The following RXRA variants were observed in gnomAD, a reference collection of about 807,000 sequenced individuals.
RXRA encodes retinoid X receptor alpha.
A neutral mutation model predicts 44.5 loss-of-function variants in RXRA; 5 were observed. The observed-to-expected ratio is 0.11, with a 90% CI of 0.06 to 0.24. The LOEUF is 0.24. Ranked by LOEUF, RXRA falls within the 10% of genes least tolerant of loss-of-function variation. RXRA has a pLI of 1.00. For missense variants in RXRA, 412 were observed against 646.5 expected, an observed-to-expected ratio of 0.64 and a Z score of 3.93; for synonymous variants, 291 against 271.4, an observed-to-expected ratio of 1.07 and a Z score of -0.71.
At chr9:134,424,154 G>T in intron 6 of RXRA, 7 of 985,374 alleles carry the variant, frequency 7.1e-6, no homozygotes, top group Non-Finnish European at 8.4e-6. Context: ...GAGGTTAGAG[G>T]GTTTCTGTGG....
At position 134,366,207 on chromosome 9, in the gene RXRA, G is replaced by A. The variant is rs978837752; in HGVS notation, c.29-35425G>A. 5.3e-5 allele frequency among the ~76,000 whole-genome samples: 8 copies of A among 152,270 alleles called. No individual in the cohort carries two copies. The highest frequency in any genetic ancestry group is 1.0e-4 in the Non-Finnish European group (7 of 67,990). On this transcript the variant is annotated intron_variant, in intron 1 of 9. Coordinates refer to ENST00000481739, the MANE Select transcript of RXRA (RefSeq NM_002957.6). This position sits in a 1 kb window ranked among gnomAD's most constrained non-coding sequence, Gnocchi z 5.9. ...TGGTGGCTCCGTGTGGCATGTTCTG[G>A]GCTGTGTGTGGGGCCAGGGAGGGTG...
intron 4 of RXRA, among the ~76,000 whole-genome samples, chr9:134,410,283 C>A (rs1831126833): frequency 6.6e-6 from 1 of 152,204 alleles, no homozygotes; most frequent in African/African-American, 2.4e-5. Flanking sequence ...GCCAGTCAGG[C>A]CTTTCTGATG....
At chr9:134,353,837 G>A (rs903555749) in intron 1 of RXRA, among the ~76,000 whole-genome samples, 5 of 152,204 alleles carry the variant, frequency 3.3e-5, no homozygotes, top group Non-Finnish European at 7.3e-5. Context: ...GAATCTGGTG[G>A]GACTCCAGCA....
chr9:134,430,174 C>G (rs1448244166), intron 7 of RXRA, among the ~76,000 whole-genome samples: 1 of 152,258 alleles, frequency 6.6e-6, no homozygotes, highest in African/African-American at 2.4e-5. Flanking sequence ...GCGTGAGCCG[C>G]CGCGCCCGGC....
In RXRA at chr9:134,407,439, C is replaced by A; in HGVS notation, c.280-710C>A. On this transcript the variant is annotated intron_variant, in intron 2 of 9. Transcript: ENST00000481739. The surrounding 1 kb of genome is among the most constrained non-coding windows in gnomAD (Gnocchi z 4.8). ...TGACTGCAGAGCTGGGTGGAGGCAG[C>A]GGAACCAAAACTGCTGTGTCACTGC... is the stretch of plus-strand genomic sequence containing the variant. Among the ~76,000 whole-genome samples the A allele has an allele frequency of 6.6e-6, 1 of 152,328 alleles. No individual in the cohort carries two copies. Among genetic ancestry groups the A allele is most frequent in the South Asian group, 2.1e-4 (1 of 4,834 alleles).
intron 1 of RXRA, among the ~76,000 whole-genome samples, chr9:134,363,891 AT>A (rs1437330156): frequency 6.6e-6 from 1 of 152,110 alleles, no homozygotes; most frequent in East Asian, 1.9e-4. Context: ...CGGGTTTGGC[AT>A]TTTTTGGGGA....
At chr9:134,335,270 A>AT (rs1829983396) in intron 1 of RXRA, among the ~76,000 whole-genome samples, 1 of 152,102 alleles carries the variant, frequency 6.6e-6, no homozygotes, top group Non-Finnish European at 1.5e-5. Context: ...GGGCTAGCAA[A>AT]TTCACCTCAC....
chr9:134,389,622 G>T (rs1387814113), intron 1 of RXRA, among the ~76,000 whole-genome samples: 1 of 152,188 alleles, frequency 6.6e-6, no homozygotes, highest in African/African-American at 2.4e-5. Flanking sequence ...GTGACCAGTG[G>T]AGGGGACAGT....
chr9:134,435,335 C>T (rs571955449), intron 9 of RXRA, among the ~76,000 whole-genome samples: 5 of 152,304 alleles, frequency 3.3e-5, no homozygotes, highest in African/African-American at 1.2e-4. Flanking sequence ...GCAGCTGCTG[C>T]CCTCATGCCT....
At chr9:134,420,323 G>A (rs1564293839) in intron 5 of RXRA, among the ~76,000 whole-genome samples, 5 of 152,238 alleles carry the variant, frequency 3.3e-5, no homozygotes, top group Admixed American at 2.0e-4. Flanking sequence ...CCTGGGGGGC[G>A]CTGTGCACAG....
intron 1 of RXRA, among the ~76,000 whole-genome samples, chr9:134,381,810 C>T (rs992269321): frequency 1.3e-5 from 2 of 152,140 alleles, no homozygotes; most frequent in African/African-American, 4.8e-5. Context: ...GGGTGCCCAG[C>T]AGGGGCGCAC....
chr9:134,356,265 G>A (rs993567989), intron 1 of RXRA, among the ~76,000 whole-genome samples: 1 of 152,176 alleles, frequency 6.6e-6, no homozygotes, highest in Admixed American at 6.5e-5. Flanking sequence ...CTCCCTGGGG[G>A]AGTTCTGGGG....
intron 1 of RXRA, among the ~76,000 whole-genome samples, chr9:134,335,443 C>T (rs1452102007): frequency 6.6e-6 from 1 of 152,162 alleles, no homozygotes; most frequent in Non-Finnish European, 1.5e-5. Context: ...CCAGGGGGAT[C>T]TGGTTCTAGC....
intron 6 of RXRA, chr9:134,424,400 C>A: frequency 9.1e-6 from 9 of 985,394 alleles, no homozygotes; most frequent in Non-Finnish European, 1.1e-5. Context: ...CCCAGCCTGA[C>A]CTCCCCCTGG....
intron 7 of RXRA, among the ~76,000 whole-genome samples, chr9:134,430,519 T>C (rs922295883): frequency 2.0e-5 from 3 of 152,218 alleles, no homozygotes; most frequent in African/African-American, 7.2e-5. Flanking sequence ...CTCCATGGGA[T>C]GTGCCAAGTG....
intron 1 of RXRA, among the ~76,000 whole-genome samples, chr9:134,368,962 TGTG>T (rs1209452335): frequency 1.6e-5 from 2 of 123,140 alleles, no homozygotes; most frequent in African/African-American, 3.4e-5. Context: ...GTGCGGGGGT[TGTG>T]TGTGTGGGGT....
chr9:134,426,064 A>C lies in RXRA; in HGVS notation c.911-3044A>C. 1.0e-6 allele frequency: 1 copy of C among 985,418 alleles called. No individual in the cohort carries two copies. Among genetic ancestry groups the C allele is most frequent in the Non-Finnish European group, 1.2e-6 (1 of 829,922 alleles). The allele number at this position is 985,418 out of a possible 1,614,324, so 61.0% of individuals were successfully genotyped here. On this transcript the variant is annotated intron_variant, in intron 6 of 9. Transcript: ENST00000481739. This position sits in a 1 kb window ranked among gnomAD's most constrained non-coding sequence, Gnocchi z 4.6. ...AGGCCCTGAGCGTTTGGGCAGGGCC[A>C]CGAGGGATCTGCAGGAGTAAGTTCC... is the stretch of plus-strand genomic sequence containing the variant.
intron 6 of RXRA, chr9:134,422,201 G>A (rs1831350358): frequency 7.8e-7 from 1 of 1,275,308 alleles, no homozygotes; most frequent in Non-Finnish European, 1.0e-6. Flanking sequence ...CCCCTCCAGG[G>A]ACACACTTCC....
At chr9:134,428,972 C>G (rs35795557) in intron 6 of RXRA, 136 bp from the exon 7 acceptor site, 4 of 1,050,734 alleles carry the variant, frequency 3.8e-6, no homozygotes, top group Non-Finnish European at 5.5e-6. Flanking sequence ...TGGAACACTT[C>G]ATGGGATTGG....
Sources: gnomAD v4.1 joint callset for allele counts (sites outside exome capture counted in the v4.1 genomes callset) on GRCh38, gnomAD v4.1.1 for gene constraint, Gnocchi (gnomAD v3.1) non-coding constraint, MANE v1.5 for transcripts, NCBI Gene and HGNC (gene_info 2026-07-23, HGNC 2026-07-21) for gene names.